ADK: variants seen among roughly 807,000 people sequenced by gnomAD.
ADK encodes N6,N6-dimethyladenosine kinase.
ADK carries 24 observed loss-of-function variants against 44.7 expected under a neutral mutation model. The observed-to-expected ratio is 0.54, with a 90% CI of 0.39 to 0.76. The LOEUF is 0.76. ADK is among the 30% of genes least tolerant of loss of function. ADK has a pLI of 0.00. For missense variants in ADK, 321 were observed against 425.1 expected (o/e 0.76, Z 2.15); for synonymous variants, 128 against 142.6 (o/e 0.90, Z 0.73).
intron 9 of ADK, among the ~76,000 whole-genome samples, chr10:74,602,347 T>C (rs752709599): frequency 3.3e-5 from 5 of 152,252 alleles, no homozygotes; most frequent in Non-Finnish European, 7.4e-5. Context: ...TTTAGAAAAG[T>C]GAAAAACATA....
intron 7 of ADK, among the ~76,000 whole-genome samples, chr10:74,531,308 C>T (rs1022166534): frequency 1.3e-5 from 2 of 152,122 alleles, no homozygotes; most frequent in Non-Finnish European, 2.9e-5. Context: ...TTAAAATCAG[C>T]TCTAGACTAG....
At chr10:74,330,219 T>C (rs1841170749) in intron 4 of ADK, among the ~76,000 whole-genome samples, 1 of 152,104 alleles carries the variant, frequency 6.6e-6, no homozygotes, top group African/African-American at 2.4e-5. Context: ...GGGTTTTTGC[T>C]TTATGTTACA....
rs184482985 is a variant in ADK at position 74,407,071 on chromosome 10, C to T, written c.555+8492C>T. On this transcript the variant is annotated intron_variant, in intron 6 of 10. Transcript: ENST00000539909. ...AATATTGGGTCAATGCAACCCCCAC[C>T]TCAGCCTCCCAAGTAACTGGAACTG... 2.6e-5 allele frequency among the ~76,000 whole-genome samples: 4 copies of T among 152,060 alleles called. No homozygotes were observed. In the East Asian group the frequency reaches 5.8e-4, roughly 22 times the overall value.
intron 10 of ADK, among the ~76,000 whole-genome samples, chr10:74,688,391 G>A (rs780615255): frequency 3.3e-4 from 50 of 152,084 alleles, no homozygotes; most frequent in Middle Eastern, 3.2e-3. Context: ...GCGTATCCCC[G>A]GGACCCAGCA....
intron 1 of ADK, among the ~76,000 whole-genome samples, chr10:74,167,417 G>A (rs1204527232): frequency 6.6e-6 from 1 of 152,192 alleles, no homozygotes; most frequent in African/African-American, 2.4e-5. Flanking sequence ...GACACAGCTT[G>A]GCCTGTTGAT....
intron 3 of ADK, among the ~76,000 whole-genome samples, chr10:74,267,754 T>TTTTGTGTGTGTGTG (rs1554835954): frequency 0.12 from 16,410 of 132,100 alleles, 1,511 homozygotes; most frequent in Non-Finnish European, 0.18. Context: ...ATATCCTTAT[T>TTTTGTGTGTGTGTG]TGTGTGTGTG....
intron 6 of ADK, among the ~76,000 whole-genome samples, chr10:74,486,492 A>AAC (rs1185612834): frequency 6.6e-6 from 1 of 152,184 alleles, no homozygotes; most frequent in Non-Finnish European, 1.5e-5. Flanking sequence ...GAAACCCAAA[A>AAC]ACACACCAAC....
intron 4 of ADK, among the ~76,000 whole-genome samples, chr10:74,369,690 C>T (rs975572668): frequency 6.6e-6 from 1 of 151,670 alleles, no homozygotes; most frequent in East Asian, 1.9e-4. Context: ...ATTATATTTA[C>T]TGGTGAATGT....
At chr10:74,155,768 C>G (rs755627378) in intron 1 of ADK, among the ~76,000 whole-genome samples, 42 of 151,902 alleles carry the variant, frequency 2.8e-4, no homozygotes, top group Non-Finnish European at 4.6e-4. Flanking sequence ...CGCCTGACCT[C>G]GTGATCCACC....
At chr10:74,590,294 T>G (rs567756453) in intron 8 of ADK, among the ~76,000 whole-genome samples, 1 of 152,312 alleles carries the variant, frequency 6.6e-6, no homozygotes, top group East Asian at 1.9e-4. Context: ...CAGTATTGTC[T>G]ATCAAACAGG....
intron 6 of ADK, among the ~76,000 whole-genome samples, chr10:74,465,129 C>T (rs1325675062): frequency 6.6e-6 from 1 of 152,096 alleles, no homozygotes; most frequent in African/African-American, 2.4e-5. Flanking sequence ...TGAAAGGTTA[C>T]ACTTTCAAAT....
At chr10:74,273,361 G>GTC (rs1202378354) in intron 3 of ADK, among the ~76,000 whole-genome samples, 1 of 152,134 alleles carries the variant, frequency 6.6e-6, no homozygotes, top group Non-Finnish European at 1.5e-5. Context: ...TATACCACCA[G>GTC]AGATCTGCCA....
chr10:74,703,323 T>C, intron 10 of ADK, among the ~76,000 whole-genome samples: 1 of 151,194 alleles, frequency 6.6e-6, no homozygotes, highest in East Asian at 1.9e-4. Flanking sequence ...CTACTAAAAG[T>C]ACAAAAAAAT....
chr10:74,652,459 C>A (rs1292597360), intron 9 of ADK, among the ~76,000 whole-genome samples: 1 of 151,870 alleles, frequency 6.6e-6, no homozygotes, highest in Non-Finnish European at 1.5e-5. Context: ...AACCAAACAG[C>A]AATTTAAAGA....
At chr10:74,154,358 T>C (rs1841693890) in intron 1 of ADK, among the ~76,000 whole-genome samples, 1 of 152,180 alleles carries the variant, frequency 6.6e-6, no homozygotes, top group Non-Finnish European at 1.5e-5. Flanking sequence ...AACCTCTGCC[T>C]CCTGGGTTCA....
intron 1 of ADK, among the ~76,000 whole-genome samples, chr10:74,187,577 T>G (rs1458016107): frequency 6.6e-6 from 1 of 152,182 alleles, no homozygotes; most frequent in African/African-American, 2.4e-5. Flanking sequence ...TTGCATTTTC[T>G]TAATGCCTTT....
intron 4 of ADK, among the ~76,000 whole-genome samples, chr10:74,337,723 G>GA (rs1462980024): frequency 6.7e-6 from 1 of 149,988 alleles, no homozygotes; most frequent in Non-Finnish European, 1.5e-5. Context: ...CTTACTAACT[G>GA]TGAGCTTGAA....
In ADK at chr10:74,394,043, C is replaced by T. The variant is rs962379720; in HGVS notation, c.274-98C>T. On this transcript the variant is annotated intron_variant, in intron 4 of 10. Coordinates refer to ENST00000539909, the MANE Select transcript of ADK (RefSeq NM_006721.4). ...CCCATTCATAACAGCTACAGTTTCT[C>T]ACAAAGCATTCTTGTCACATCACTA... is the stretch of plus-strand genomic sequence containing the variant. 3 of 1,253,098 alleles carry T rather than the reference C, an allele frequency of 2.4e-6. No individual in the cohort carries two copies. In the African/African-American group the frequency reaches 4.4e-5, roughly 18 times the overall value. The allele number at this position is 1,253,098 out of a possible 1,614,324, so 77.6% of individuals were successfully genotyped here.
intron 4 of ADK, among the ~76,000 whole-genome samples, chr10:74,359,483 G>A (rs12415761): frequency 0.019 from 2,935 of 152,226 alleles, 75 homozygotes; most frequent in African/African-American, 0.057. Flanking sequence ...TGAAGTGGGA[G>A]GATTGCTTGA....
Sources: gnomAD v4.1 joint callset for allele counts (sites outside exome capture counted in the v4.1 genomes callset) on GRCh38, gnomAD v4.1.1 for gene constraint, MANE v1.5 for transcripts, NCBI Gene and HGNC (gene_info 2026-07-23, HGNC 2026-07-21) for gene names.